Variants in THAP3 observed in about 807,000 individuals in gnomAD.
The protein encoded by THAP3 is THAP domain containing 3, also known as THAP domain-containing protein 3.
A neutral mutation model predicts 17.7 loss-of-function variants in THAP3; 12 were observed. That is an observed-to-expected ratio of 0.68 (90% CI 0.43 to 1.10). The LOEUF (loss-of-function observed/expected upper bound fraction) is 1.10, where lower values mean the gene tolerates loss of function less well. Ranked by LOEUF, THAP3 falls within the 50% of genes least tolerant of loss-of-function variation. The pLI, the probability that THAP3 is intolerant of heterozygous loss-of-function variation, is 0.00. For missense variants in THAP3, 289 were observed against 318.0 expected, an observed-to-expected ratio of 0.91 and a Z score of 0.69; for synonymous variants, 133 against 126.9, an observed-to-expected ratio of 1.05 and a Z score of -0.32.
chr1:6,627,606 C>T (rs956426560), intron 2 of THAP3, among the ~76,000 whole-genome samples: 1 of 152,224 alleles, frequency 6.6e-6, no homozygotes, highest in Non-Finnish European at 1.5e-5. Context: ...TTGAGGCAGT[C>T]TGTCTGCCTT....
chr1:6,632,213 C>CA (rs34491693), intron 4 of THAP3, among the ~76,000 whole-genome samples, 178 bp from the exon 5 acceptor site: 96,368 of 143,852 alleles, frequency 0.67, 32,128 homozygotes, highest in Middle Eastern at 0.76. Context: ...GAGACTGTCT[C>CA]AAAAAAAAAA....
intron 3 of THAP3, among the ~76,000 whole-genome samples, chr1:6,630,032 G>T (rs965362147): frequency 6.6e-6 from 1 of 152,244 alleles, no homozygotes. Flanking sequence ...CACATAGGAA[G>T]TAGATGGGTC....
At chr1:6,631,229 C>T (rs1244922940) in intron 4 of THAP3, among the ~76,000 whole-genome samples, 10 of 147,896 alleles carry the variant, frequency 6.8e-5, no homozygotes, top group Non-Finnish European at 1.2e-4. Flanking sequence ...CTTGCCCAGT[C>T]TGGTCTCAAA....
chr1:6,628,810 A>G, intron 3 of THAP3, 119 bp downstream of exon 3: 2 of 1,008,166 alleles, frequency 2.0e-6, no homozygotes, highest in South Asian at 1.6e-5. Flanking sequence ...CTCCAGTGAC[A>G]ACAGCACTGT....
At chr1:6,625,099 A>G in intron 1 of THAP3, 51 bp from the exon 2 acceptor site, 1 of 1,153,476 alleles carries the variant, frequency 8.7e-7, no homozygotes, top group East Asian at 3.0e-5. Context: ...CGCGCCCTGG[A>G]GGCGAGCCAG....
chr1:6,630,817 C>T (rs1641589885), intron 4 of THAP3, among the ~76,000 whole-genome samples: 1 of 152,122 alleles, frequency 6.6e-6, no homozygotes, highest in African/African-American at 2.4e-5. Flanking sequence ...GGTGATCCAC[C>T]CACCTCTGCC....
At chr1:6,631,309 A>T (rs951842178) in intron 4 of THAP3, among the ~76,000 whole-genome samples, 1 of 150,698 alleles carries the variant, frequency 6.6e-6, no homozygotes, top group Non-Finnish European at 1.5e-5. Context: ...GAGCCACCGC[A>T]CCTGGCCGTG....
chr1:6,632,337 G>A lies in THAP3; in HGVS notation c.334-54G>A, dbSNP rs1176385022. 6.2e-6 allele frequency: 10 copies of A among 1,600,768 alleles called. No homozygotes were observed. In the East Asian group the frequency reaches 9.0e-5, roughly 14 times the overall value. ...CCTAGAGGGACAAGTAGCAGCTGCA[G>A]GAGGGCCCTGCATGTGCAGGGCTGT... is the stretch of plus-strand genomic sequence containing the variant. On this transcript the variant is annotated intron_variant, in intron 4 of 5. Coordinates refer to ENST00000054650, the MANE Select transcript of THAP3 (RefSeq NM_001195753.2).
At position 6,630,436 on chromosome 1, in the gene THAP3, G is replaced by C. The variant is rs372905745; in HGVS notation, c.333+83G>C. On this transcript the variant is annotated intron_variant, in intron 4 of 5. Coordinates refer to ENST00000054650, the MANE Select transcript of THAP3 (RefSeq NM_001195753.2). ...GAGGTGGGATTTTCCCAGCAAGGCC[G>C]GCCCGCAGGGCTGTCGCCTTTCCTC... 8.6e-6 allele frequency: 12 copies of C among 1,402,640 alleles called. No individual in the cohort carries two copies. The East Asian group carries it at 1.4e-4, about 16-fold the overall frequency. 86.9% of individuals were successfully genotyped at this position (1,402,640 alleles called of 1,614,324 possible). A position where few individuals can be genotyped will look rare whatever the true frequency, so the allele number is the denominator to read the frequency against.
Position 6,628,230 on chromosome 1 carries a change from C to T in THAP3, c.75-269C>T, listed in dbSNP as rs143747585. ...CATCCCTAGCACGAAGAACAGGGCC[C>T]GGCTCCTGGTAGGCTCCTGGCAAAT... On this transcript the variant is annotated intron_variant, in intron 2 of 5. Transcript: ENST00000054650. 284 of 434,722 alleles carry T rather than the reference C, an allele frequency of 6.5e-4. 2 individuals carry two copies. Among genetic ancestry groups the T allele is most frequent in the African/African-American group, 4.9e-3 (237 of 48,350 alleles). 26.9% of individuals were successfully genotyped at this position (434,722 alleles called of 1,614,324 possible).
At chr1:6,631,328 CT>C (rs1641608340) in intron 4 of THAP3, among the ~76,000 whole-genome samples, 1 of 152,064 alleles carries the variant, frequency 6.6e-6, no homozygotes, top group African/African-American at 2.4e-5. Flanking sequence ...TGCCTGATTT[CT>C]TAAAGTTCAG....
chr1:6,629,399 A>C (rs891660291), intron 3 of THAP3, among the ~76,000 whole-genome samples: 6 of 152,148 alleles, frequency 3.9e-5, no homozygotes, highest in Admixed American at 3.9e-4. Flanking sequence ...CGTAGCAAAC[A>C]CGCCCAGAGC....
rs141186206 is a variant in THAP3 at position 6,628,620 on chromosome 1, G to A, written c.196G>A (p.Ala66Thr). ...GCACTTCCGGCCAGAGTGCTTCAGC[G>A]CCTTTGGAAACCGCAAGAACCTAAA... is the stretch of plus-strand genomic sequence containing the variant. ...SEHFRPECFS[A>T]FGNRKNLKHN... The change falls in exon 3 of 6, where the codon GCC becomes ACC. Residue 66 changes from alanine (A) to threonine (T), a missense_variant. Coordinates refer to ENST00000054650, the MANE Select transcript of THAP3 (RefSeq NM_001195753.2). The A allele has an allele frequency of 2.6e-4, 422 of 1,613,714 alleles. No homozygotes were observed. The highest frequency in any genetic ancestry group is 9.9e-4 in the Middle Eastern group (6 of 6,084).
chr1:6,629,366 C>G (rs544427673), intron 3 of THAP3, among the ~76,000 whole-genome samples: 3 of 152,158 alleles, frequency 2.0e-5, no homozygotes, highest in Non-Finnish European at 4.4e-5. Context: ...AGAGTGGAGC[C>G]GATGGGAAGA....
At chr1:6,630,052 A>G (rs77810659) in intron 3 of THAP3, among the ~76,000 whole-genome samples, 3,517 of 152,340 alleles carry the variant, frequency 0.023, 70 homozygotes, top group Non-Finnish European at 0.032. Flanking sequence ...CCCTAGCTCT[A>G]CAGGGACCTA....
intron 5 of THAP3, 81 bp from the exon 6 acceptor site, chr1:6,632,715 G>A: frequency 6.4e-7 from 1 of 1,558,460 alleles, no homozygotes. Context: ...GTTGTGCTGT[G>A]TGCGTGTCTG....
At chr1:6,630,590 T>C (rs1641582758) in intron 4 of THAP3, among the ~76,000 whole-genome samples, 1 of 152,186 alleles carries the variant, frequency 6.6e-6, no homozygotes, top group African/African-American at 2.4e-5. Flanking sequence ...TTTTCTTTTT[T>C]TTGAGACTGA....
Position 6,633,356 on chromosome 1 carries a change from TG to T in THAP3, c.*280del, listed in dbSNP as rs1641681761. 6.0e-6 allele frequency: 8 copies of T among 1,324,104 alleles called. No individual in the cohort carries two copies. In the Admixed American group the frequency reaches 1.6e-4, roughly 27 times the overall value. 82.0% of individuals were successfully genotyped at this position (1,324,104 alleles called of 1,614,324 possible). ...CCAGGCTGAGGCTGATTCTGGACGC[TG>T]TCCTTTCAGCACACGCAGAGCAAAG... On this transcript the variant is annotated 3_prime_UTR_variant, in exon 6 of 6. Transcript: ENST00000054650.
intron 2 of THAP3, among the ~76,000 whole-genome samples, chr1:6,626,114 C>A (rs749449460): frequency 7.2e-5 from 11 of 151,836 alleles, no homozygotes; most frequent in Non-Finnish European, 1.5e-4. Flanking sequence ...TCGAGACCTG[C>A]CTGGGCAACA....
Sources: allele counts gnomAD v4.1 joint callset (sites outside exome capture counted in the v4.1 genomes callset), GRCh38; gene constraint gnomAD v4.1.1; transcripts MANE v1.5; gene names NCBI Gene and HGNC (gene_info 2026-07-23, HGNC 2026-07-21).